Variants in MAP2 observed in about 807,000 individuals in gnomAD.
MAP2 encodes the protein microtubule-associated protein 2.
In MAP2, 14 loss-of-function variants were observed where a neutral mutation model predicts 137.6. The ratio of observed to expected loss-of-function variants is 0.10; its 90% CI spans 0.07 to 0.16. MAP2 has a LOEUF of 0.16. Among genes scored for constraint, MAP2 ranks in the 10% least tolerant of loss-of-function variants. MAP2 has a pLI of 1.00. For missense variants in MAP2, 2,088 were observed against 2,191.5 expected, an observed-to-expected ratio of 0.95 and a Z score of 0.94; for synonymous variants, 786 against 782.3, an observed-to-expected ratio of 1.00 and a Z score of -0.08.
intron 2 of MAP2, among the ~76,000 whole-genome samples, chr2:209,543,753 G>A (rs288070): frequency 0.25 from 37,645 of 152,060 alleles, 7,455 homozygotes; most frequent in African/African-American, 0.56. Context: ...GGCAGTTTAG[G>A]ATGATATGTT....
intron 1 of MAP2, among the ~76,000 whole-genome samples, chr2:209,481,745 G>A (rs193300626): frequency 6.6e-6 from 1 of 152,306 alleles, no homozygotes; most frequent in African/African-American, 2.4e-5. Flanking sequence ...TTAGGTTTCT[G>A]AATAAAGGGA....
chr2:209,659,896 G>A lies in MAP2; in HGVS notation c.262+6464G>A, dbSNP rs149223039. ...TACTGAAAATAGAAAAAATTAGCCGGGCGTGGTGGCGGGCGCGTGTAGTCC... is the reference window on the plus strand; with the variant it reads ...TACTGAAAATAGAAAAAATTAGCCGAGCGTGGTGGCGGGCGCGTGTAGTCC... On this transcript the variant is annotated intron_variant, in intron 5 of 15. Coordinates refer to ENST00000682079, the MANE Select transcript of MAP2 (RefSeq NM_001375505.1). Among the ~76,000 whole-genome samples the A allele has an allele frequency of 6.7e-3, 1,019 of 152,152 alleles. 12 individuals are homozygous for A. Among genetic ancestry groups the A allele is most frequent in the African/African-American group, 0.023 (948 of 41,500 alleles).
chr2:209,658,755 C>T (rs956002980), intron 5 of MAP2, among the ~76,000 whole-genome samples: 12 of 152,132 alleles, frequency 7.9e-5, no homozygotes, highest in African/African-American at 2.9e-4. Context: ...GATCCACCCA[C>T]CTCGACCTCC....
chr2:209,697,918 G>A (rs1221163695), intron 10 of MAP2, among the ~76,000 whole-genome samples: 3 of 151,968 alleles, frequency 2.0e-5, no homozygotes, highest in Non-Finnish European at 2.9e-5. Flanking sequence ...GCACGACCTC[G>A]GCTCACTGAA....
intron 2 of MAP2, among the ~76,000 whole-genome samples, chr2:209,532,301 T>C (rs2065245714): frequency 6.6e-6 from 1 of 151,766 alleles, no homozygotes; most frequent in Non-Finnish European, 1.5e-5. Flanking sequence ...AAAGAGGACT[T>C]CAGCTCTTAT....
intron 3 of MAP2, among the ~76,000 whole-genome samples, chr2:209,616,773 G>C (rs1340647972): frequency 6.6e-6 from 1 of 152,184 alleles, no homozygotes; most frequent in Non-Finnish European, 1.5e-5. Flanking sequence ...TGCATTGTTA[G>C]TGATAGTGTC....
chr2:209,525,905 A>G (rs537595095), intron 2 of MAP2, among the ~76,000 whole-genome samples: 1 of 151,974 alleles, frequency 6.6e-6, no homozygotes, highest in Non-Finnish European at 1.5e-5. Flanking sequence ...ATTTCCTGTC[A>G]TATTTCTTTT....
chr2:209,672,034 G>T (rs938032164), intron 5 of MAP2, among the ~76,000 whole-genome samples: 2 of 151,844 alleles, frequency 1.3e-5, no homozygotes, highest in African/African-American at 4.8e-5. Flanking sequence ...ACTTTAAAAT[G>T]CGCTAAAAGC....
intron 7 of MAP2, among the ~76,000 whole-genome samples, chr2:209,682,824 T>TC (rs889738868): frequency 1.3e-5 from 2 of 152,090 alleles, no homozygotes; most frequent in African/African-American, 4.8e-5. Context: ...TAAGCAGTGG[T>TC]CAGCTGGGGT....
intron 1 of MAP2, among the ~76,000 whole-genome samples, chr2:209,442,679 G>T (rs1294776802): frequency 6.6e-6 from 1 of 151,560 alleles, no homozygotes; most frequent in Non-Finnish European, 1.5e-5. Context: ...TTCCCTGAGA[G>T]TCAGGCTCAT....
chr2:209,548,423 T>C (rs1229931556), intron 2 of MAP2, among the ~76,000 whole-genome samples: 3 of 152,246 alleles, frequency 2.0e-5, no homozygotes, highest in Non-Finnish European at 4.4e-5. Context: ...ATCTTCTTTC[T>C]AAATATTATT....
At chr2:209,576,870 A>G (rs1470093496) in intron 2 of MAP2, among the ~76,000 whole-genome samples, 1 of 152,238 alleles carries the variant, frequency 6.6e-6, no homozygotes, top group African/African-American at 2.4e-5. Flanking sequence ...TACTTACTCC[A>G]TGTTGGAAAC....
chr2:209,687,759 CCCCAG>C (rs1307109945), intron 7 of MAP2, among the ~76,000 whole-genome samples: 3 of 152,134 alleles, frequency 2.0e-5, no homozygotes, highest in African/African-American at 7.2e-5. Context: ...TACACAGGTT[CCCCAG>C]CCATGAACCT....
intron 1 of MAP2, among the ~76,000 whole-genome samples, chr2:209,477,842 TAA>T (rs540336538): frequency 2.6e-4 from 34 of 131,732 alleles, no homozygotes; most frequent in African/African-American, 7.7e-4. Flanking sequence ...TACAAAATAT[TAA>T]AAAAAAAAAA....
rs1359633950 is a variant in MAP2 at position 209,659,131 on chromosome 2, C to G, written c.262+5699C>G. The stretch of plus-strand genomic sequence containing the variant: ...GTGTTCAGGAATTTCATGCAACTCT[C>G]TTCTCAACTGTCCTAACCTCAAGAA... On this transcript the variant is annotated intron_variant, in intron 5 of 15. Coordinates refer to ENST00000682079, the MANE Select transcript of MAP2 (RefSeq NM_001375505.1). Among the ~76,000 whole-genome samples the G allele has an allele frequency of 2.0e-5, 3 of 152,154 alleles. No homozygotes were observed. The East Asian group carries it at 5.8e-4, about 29-fold the overall frequency.
chr2:209,695,216 G>A lies in MAP2; in HGVS notation c.3046G>A (p.Glu1016Lys). ...IPTDASSEKAEKGLSSVPEIA... is the reference protein window; with the variant it reads ...IPTDASSEKAKKGLSSVPEIA... ...AACAGATGCATCCTCTGAGAAAGCA[G>A]AGAAGGGTCTTAGTTCAGTGCCAGA... is the stretch of plus-strand genomic sequence containing the variant. The change falls in exon 8 of 16, where the codon GAG (glutamate) becomes AAG (lysine). Residue 1016 changes from glutamate to lysine, a missense_variant. Physicochemically the swap from Glu to Lys is moderately conservative, Grantham distance 56. Transcript: ENST00000682079. 6.2e-7 allele frequency: 1 copy of A among 1,614,174 alleles called. No homozygotes were observed. Among genetic ancestry groups the A allele is most frequent in the African/African-American group, 1.3e-5 (1 of 75,048 alleles).
chr2:209,648,133 A>C (rs2094528314), intron 4 of MAP2, among the ~76,000 whole-genome samples: 1 of 146,822 alleles, frequency 6.8e-6, no homozygotes, highest in African/African-American at 2.5e-5. Context: ...ACGCAGTCTC[A>C]CTCTGTTGCC....
At chr2:209,535,324 A>G (rs1410985252) in intron 2 of MAP2, among the ~76,000 whole-genome samples, 1 of 152,178 alleles carries the variant, frequency 6.6e-6, no homozygotes, top group Non-Finnish European at 1.5e-5. Flanking sequence ...GTGCTTCCCT[A>G]CTTATCCTGG....
chr2:209,653,797 G>A lies in MAP2; in HGVS notation c.262+365G>A, dbSNP rs550541724. Among the ~76,000 whole-genome samples, 4 of 152,238 alleles carry A rather than the reference G, an allele frequency of 2.6e-5. No homozygotes were observed. The South Asian group carries it at 8.3e-4, about 32-fold the overall frequency. ...CCTAAATCCAATGGATTGATTAGAA[G>A]CATATTTTTTAGAGCAGAAAAAAGC... On this transcript the variant is annotated intron_variant, in intron 5 of 15. Coordinates refer to ENST00000682079, the MANE Select transcript of MAP2 (RefSeq NM_001375505.1).
Sources: allele counts gnomAD v4.1 joint callset (sites outside exome capture counted in the v4.1 genomes callset), GRCh38; gene constraint gnomAD v4.1.1; transcripts MANE v1.5; gene names NCBI Gene and HGNC (gene_info 2026-07-23, HGNC 2026-07-21).